Variants in RBFOX1 observed in about 807,000 individuals in gnomAD.
RBFOX1 encodes RNA binding protein fox-1 homolog 1.
A neutral mutation model predicts 57.7 loss-of-function variants in RBFOX1; 8 were observed. The ratio of observed to expected loss-of-function variants is 0.14; its 90% confidence interval spans 0.08 to 0.25. RBFOX1 has a LOEUF of 0.25. Among genes scored for constraint, RBFOX1 ranks in the 10% least tolerant of loss-of-function variants. The probability of loss-of-function intolerance (pLI) is 1.00; values close to 1 mark genes in which losing one functional copy is unlikely to be tolerated. For synonymous variants in RBFOX1, 326 were observed against 222.4 expected, an observed-to-expected ratio of 1.47 and a Z score of -4.15; for missense variants, 611 against 548.5, an observed-to-expected ratio of 1.11 and a Z score of -1.14.
intron 2 of RBFOX1, among the ~76,000 whole-genome samples, chr16:6,599,673 G>A (rs918930790): frequency 3.9e-5 from 6 of 152,160 alleles, no homozygotes; most frequent in African/African-American, 1.4e-4. Flanking sequence ...ATGGCAGAGT[G>A]CTTCAGAACT....
Position 5,882,148 on chromosome 16 carries a change from C to T in RBFOX1, c.351+14813C>T, listed in dbSNP as rs1191951188. 3.3e-5 allele frequency among the ~76,000 whole-genome samples: 5 copies of T among 152,228 alleles called. No homozygotes were observed. In the East Asian group the frequency reaches 7.7e-4, roughly 23 times the overall value. ...CAGCCAACCTTTGAATTCAGGCATT[C>T]TCTTTCCACACACTGTGAAGGTGAA... is the stretch of plus-strand genomic sequence containing the variant. On this transcript the variant is annotated intron_variant, in intron 4 of 19. Transcript: ENST00000641259.
chr16:5,375,680 G>T (rs1416424998), intron 1 of RBFOX1, among the ~76,000 whole-genome samples: 1 of 152,194 alleles, frequency 6.6e-6, no homozygotes, highest in Non-Finnish European at 1.5e-5. Flanking sequence ...CAGGCACTGT[G>T]CCAGGGGTTG....
At chr16:6,998,562 G>T (rs983513274) in intron 3 of RBFOX1, among the ~76,000 whole-genome samples, 1 of 152,118 alleles carries the variant, frequency 6.6e-6, no homozygotes, top group African/African-American at 2.4e-5. Context: ...TTGTATTGAA[G>T]AACCAAAATA....
At chr16:6,044,750 A>G (rs1176476928) in intron 1 of RBFOX1, among the ~76,000 whole-genome samples, 1 of 152,152 alleles carries the variant, frequency 6.6e-6, no homozygotes, top group African/African-American at 2.4e-5. Context: ...AATAACACAT[A>G]CCAAGATCCT....
chr16:7,154,721 G>GTT (rs1555515533), intron 4 of RBFOX1, among the ~76,000 whole-genome samples: 2 of 147,866 alleles, frequency 1.4e-5, no homozygotes, highest in African/African-American at 4.9e-5. Context: ...GTGTGTGTGT[G>GTT]TGTGTGTGTG....
intron 1 of RBFOX1, among the ~76,000 whole-genome samples, chr16:5,306,823 A>T (rs1371376785): frequency 6.6e-6 from 1 of 152,204 alleles, no homozygotes; most frequent in South Asian, 2.1e-4. Context: ...GCATCACATC[A>T]CAGCTGGATC....
At chr16:5,862,344 A>C (rs2057241387) in intron 3 of RBFOX1, among the ~76,000 whole-genome samples, 1 of 152,018 alleles carries the variant, frequency 6.6e-6, no homozygotes, top group Admixed American at 6.6e-5. Context: ...GCTGGTGGGG[A>C]GGGAAATCTG....
chr16:6,417,576 G>T (rs1448398661), intron 2 of RBFOX1, among the ~76,000 whole-genome samples: 4 of 149,844 alleles, frequency 2.7e-5, no homozygotes, highest in Admixed American at 6.6e-5. Flanking sequence ...ATGTAGTAGA[G>T]ACGGGGTTTC....
intron 4 of RBFOX1, among the ~76,000 whole-genome samples, chr16:7,459,236 C>T (rs1046079372): frequency 6.6e-6 from 1 of 152,116 alleles, no homozygotes; most frequent in Non-Finnish European, 1.5e-5. Flanking sequence ...GTAGTAATCT[C>T]TACTTTCTAG....
intron 10 of RBFOX1, among the ~76,000 whole-genome samples, chr16:7,621,102 T>C (rs1486053576): frequency 3.3e-5 from 5 of 152,226 alleles, no homozygotes; most frequent in African/African-American, 7.2e-5. Context: ...ATTCAGAGCA[T>C]AGTAGAGTTT....
intron 3 of RBFOX1, among the ~76,000 whole-genome samples, chr16:6,706,784 T>A (rs1820593957): frequency 6.6e-6 from 1 of 151,420 alleles, no homozygotes; most frequent in Admixed American, 6.6e-5. Flanking sequence ...AGCTGACATA[T>A]TCTTAGGAAT....
intron 3 of RBFOX1, among the ~76,000 whole-genome samples, chr16:6,791,718 C>T (rs748104799): frequency 3.5e-4 from 54 of 152,134 alleles, no homozygotes; most frequent in Non-Finnish European, 6.2e-4. Flanking sequence ...GAGATCGTGC[C>T]ACACTGCACT....
intron 4 of RBFOX1, among the ~76,000 whole-genome samples, chr16:7,350,087 C>T (rs2097100197): frequency 2.0e-5 from 3 of 152,096 alleles, no homozygotes; most frequent in African/African-American, 7.2e-5. Flanking sequence ...GCAGAGGTTG[C>T]AGTGAGCCGA....
At chr16:7,698,926 T>TC (rs1183900262) in intron 14 of RBFOX1, among the ~76,000 whole-genome samples, 48 of 152,308 alleles carry the variant, frequency 3.2e-4, no homozygotes, top group Non-Finnish European at 6.5e-4. Context: ...ATAGTCTGAA[T>TC]TAGCCTAAGT....
At chr16:6,376,413 A>G (rs1432866372) in intron 2 of RBFOX1, among the ~76,000 whole-genome samples, 1 of 152,162 alleles carries the variant, frequency 6.6e-6, no homozygotes, top group African/African-American at 2.4e-5. Context: ...GGCTGAAATC[A>G]AGGTGTTAGC....
Position 5,836,599 on chromosome 16 carries a change from T to G in RBFOX1, c.319-30704T>G, listed in dbSNP as rs577767562. 2.0e-5 allele frequency among the ~76,000 whole-genome samples: 3 copies of G among 152,294 alleles called. No homozygotes were observed. In the East Asian group the frequency reaches 5.8e-4, roughly 29 times the overall value. ...TCCAGGCACATCTCAAATCTCCATC[T>G]CCATTTCCCCACCCTGTCCCAGGAT... is the stretch of plus-strand genomic sequence containing the variant. On this transcript the variant is annotated intron_variant, in intron 3 of 19. Coordinates refer to the RBFOX1 transcript ENST00000641259.
chr16:5,429,057 G>C (rs909973841), intron 1 of RBFOX1, among the ~76,000 whole-genome samples: 1 of 152,098 alleles, frequency 6.6e-6, no homozygotes. Flanking sequence ...GGCTCTCCTG[G>C]CCCTCTGGTG....
intron 2 of RBFOX1, among the ~76,000 whole-genome samples, chr16:6,480,806 T>A (rs2095360428): frequency 6.6e-6 from 1 of 152,208 alleles, no homozygotes; most frequent in Non-Finnish European, 1.5e-5. Context: ...TAGTGTGTAT[T>A]TTTATTTCTG....
chr16:7,683,760 T>G (rs1027200896), intron 14 of RBFOX1, among the ~76,000 whole-genome samples: 2 of 152,056 alleles, frequency 1.3e-5, no homozygotes, highest in Non-Finnish European at 2.9e-5. Flanking sequence ...TAGAGGCAGG[T>G]TGGGAAAGCC....
Sources: gnomAD v4.1 joint callset for allele counts (sites outside exome capture counted in the v4.1 genomes callset) on GRCh38, gnomAD v4.1.1 for gene constraint, MANE v1.5 for transcripts, NCBI Gene and HGNC (gene_info 2026-07-23, HGNC 2026-07-21) for gene names.